PACRG: variants seen among roughly 807,000 people sequenced by gnomAD.
The protein encoded by PACRG is parkin coregulated.
A neutral mutation model predicts 29.7 loss-of-function variants in PACRG; 29 were observed. The observed-to-expected ratio is 0.98, with a 90% CI of 0.73 to 1.33. The LOEUF (loss-of-function observed/expected upper bound fraction) is 1.33. Ranked by LOEUF, PACRG falls within the 40% of genes most tolerant of loss-of-function variation. The pLI is 0.00. For missense variants in PACRG, 279 were observed against 316.2 expected (o/e 0.88, Z 0.89); for synonymous variants, 116 against 118.7 (o/e 0.98, Z 0.15).
chr6:162,910,670 A>G (rs1796242700), intron 2 of PACRG, among the ~76,000 whole-genome samples: 1 of 152,208 alleles, frequency 6.6e-6, no homozygotes, highest in Non-Finnish European at 1.5e-5. Context: ...AAATGGCAGA[A>G]GTTTATTCAG....
At chr6:162,819,624 C>T (rs573825084) in intron 2 of PACRG, among the ~76,000 whole-genome samples, 49 of 152,286 alleles carry the variant, frequency 3.2e-4, no homozygotes, top group African/African-American at 1.0e-3. Flanking sequence ...TATTCACTCA[C>T]TTTCCTGGTA....
At chr6:163,314,371 T>C (rs975329879) in intron 4 of PACRG, among the ~76,000 whole-genome samples, 5 of 152,236 alleles carry the variant, frequency 3.3e-5, no homozygotes, top group Non-Finnish European at 1.5e-5. Flanking sequence ...GTTTGCCATG[T>C]GTTCAAAAGC....
At chr6:162,780,333 G>A (rs1235228539) in intron 1 of PACRG, among the ~76,000 whole-genome samples, 1 of 152,136 alleles carries the variant, frequency 6.6e-6, no homozygotes, top group Non-Finnish European at 1.5e-5. Flanking sequence ...TTAAAGGCAA[G>A]ACTTTAATAT....
At chr6:162,820,037 G>C (rs1224791261) in intron 2 of PACRG, among the ~76,000 whole-genome samples, 2 of 152,120 alleles carry the variant, frequency 1.3e-5, no homozygotes, top group Non-Finnish European at 2.9e-5. Context: ...CCAGGAGGAT[G>C]CTCTTTAGGT....
chr6:162,814,403 T>C, intron 2 of PACRG, 122 bp downstream of exon 2: 1 of 1,299,024 alleles, frequency 7.7e-7, no homozygotes, highest in Non-Finnish European at 1.1e-6. Context: ...TGGAAGATGG[T>C]GGGAAAGCTC....
At chr6:163,051,349 G>C (rs116532671) in intron 2 of PACRG, 4 of 152,052 alleles carry the variant, frequency 2.6e-5, no homozygotes, top group Non-Finnish European at 5.9e-5. Flanking sequence ...TTCATTGCGA[G>C]CTCATCTATA....
At chr6:163,094,828 C>G (rs1029184377) in intron 4 of PACRG, among the ~76,000 whole-genome samples, 1 of 152,216 alleles carries the variant, frequency 6.6e-6, no homozygotes, top group African/African-American at 2.4e-5. Context: ...ACATTTCCAT[C>G]TGGTTCACCT....
At chr6:163,069,285 CAA>C (rs11354740) in intron 3 of PACRG, among the ~76,000 whole-genome samples, 64 of 94,340 alleles carry the variant, frequency 6.8e-4, no homozygotes, top group African/African-American at 1.7e-3. Context: ...ATGAACTCAC[CAA>C]AAAAAAAAAA....
At chr6:163,138,659 G>A (rs547945819) in intron 4 of PACRG, among the ~76,000 whole-genome samples, 27 of 152,284 alleles carry the variant, frequency 1.8e-4, no homozygotes, top group Admixed American at 6.5e-4. Context: ...ATGTGTGCTC[G>A]CCCACTGCTC....
chr6:163,027,682 C>T (rs138813073), intron 2 of PACRG, among the ~76,000 whole-genome samples: 5 of 152,290 alleles, frequency 3.3e-5, no homozygotes, highest in African/African-American at 7.2e-5. Context: ...GAAGACATCA[C>T]GTCAGGTTCG....
At chr6:163,227,782 T>C (rs1475105780) in intron 4 of PACRG, among the ~76,000 whole-genome samples, 1 of 152,192 alleles carries the variant, frequency 6.6e-6, no homozygotes, top group Non-Finnish European at 1.5e-5. Flanking sequence ...CTGCCCTCCC[T>C]GTGGCGAGAA....
intron 4 of PACRG, among the ~76,000 whole-genome samples, chr6:163,263,640 G>A (rs1783422142): frequency 6.6e-6 from 1 of 152,128 alleles, no homozygotes; most frequent in African/African-American, 2.4e-5. Context: ...CCACAGTCAG[G>A]TTAAAAATCA....
chr6:162,964,555 A>G (rs543076134), intron 2 of PACRG, among the ~76,000 whole-genome samples: 2 of 152,328 alleles, frequency 1.3e-5, no homozygotes, highest in Admixed American at 1.3e-4. Context: ...GGAATGATCA[A>G]CAGATGTTCT....
At chr6:163,239,873 T>C (rs1314745695) in intron 4 of PACRG, among the ~76,000 whole-genome samples, 1 of 117,630 alleles carries the variant, frequency 8.5e-6, no homozygotes, top group Non-Finnish European at 1.7e-5. Flanking sequence ...CACCCCGACA[T>C]ACACACACTC....
At chr6:162,847,113 GTGCTCCCCACACTGTGA>G (rs1299082497) in intron 2 of PACRG, among the ~76,000 whole-genome samples, 2 of 150,894 alleles carry the variant, frequency 1.3e-5, no homozygotes, top group African/African-American at 4.9e-5. Flanking sequence ...ACTGTCCACT[GTGCTCCCCACACTGTGA>G]TGCTCCCCAC....
chr6:162,852,012 G>GAAGGAAGT (rs1790938362), intron 2 of PACRG, among the ~76,000 whole-genome samples: 1 of 131,402 alleles, frequency 7.6e-6, no homozygotes, highest in Non-Finnish European at 1.7e-5. Flanking sequence ...AGGGAGGAAG[G>GAAGGAAGT]AAGGAAGGAA....
At chr6:162,901,180 C>T (rs568596562) in intron 2 of PACRG, among the ~76,000 whole-genome samples, 2 of 152,302 alleles carry the variant, frequency 1.3e-5, no homozygotes, top group East Asian at 3.9e-4. Flanking sequence ...CCCTGGGCTA[C>T]ATCGGCTCTA....
At chr6:162,759,657 T>A (rs778130867) in intron 1 of PACRG, among the ~76,000 whole-genome samples, 5 of 152,160 alleles carry the variant, frequency 3.3e-5, no homozygotes, top group African/African-American at 9.7e-5. Flanking sequence ...GTACAAGAGA[T>A]GTGTATTCGT....
intron 4 of PACRG, among the ~76,000 whole-genome samples, chr6:163,274,328 A>G (rs1783949790): frequency 6.6e-6 from 1 of 152,188 alleles, no homozygotes; most frequent in Admixed American, 6.5e-5. Flanking sequence ...GATGGTTTCC[A>G]GCTTCATCCA....
Sources: gnomAD v4.1 joint callset for allele counts (sites outside exome capture counted in the v4.1 genomes callset) on GRCh38, gnomAD v4.1.1 for gene constraint, MANE v1.5 for transcripts, NCBI Gene and HGNC (gene_info 2026-07-23, HGNC 2026-07-21) for gene names.